Variants in TMEM33 observed in about 807,000 individuals in gnomAD.
The protein encoded by TMEM33 is transmembrane protein 33.
TMEM33 carries 16 observed loss-of-function variants against 29.7 expected under a neutral mutation model. That is an observed-to-expected ratio of 0.54 (90% confidence interval 0.36 to 0.82). The LOEUF is 0.82. Among genes scored for constraint, TMEM33 ranks in the 40% least tolerant of loss-of-function variants. The pLI is 0.00. For synonymous variants in TMEM33, 112 were observed against 109.4 expected, an observed-to-expected ratio of 1.02 and a Z score of -0.15; for missense variants, 252 against 295.3, an observed-to-expected ratio of 0.85 and a Z score of 1.08.
At chr4:41,950,621 A>G (rs1394973861) in intron 6 of TMEM33, among the ~76,000 whole-genome samples, 2 of 152,158 alleles carry the variant, frequency 1.3e-5, no homozygotes, top group African/African-American at 4.8e-5. Context: ...AATACTTTCT[A>G]AAATAGAACT....
rs1286501811 is a variant in TMEM33 at position 41,958,270 on chromosome 4, A to C, written c.*4071A>C. The C allele has an allele frequency of 6.6e-6, 1 of 152,304 alleles. No homozygotes were observed. The highest frequency in any genetic ancestry group is 1.5e-5 in the Non-Finnish European group (1 of 68,148). The allele number at this position is 152,304 out of a possible 1,614,324, so 9.4% of individuals were successfully genotyped here. A position where few individuals can be genotyped will look rare whatever the true frequency, so the allele number is the denominator to read the frequency against. Reference sequence around the variant, plus strand: ...GTGATCCCCCCACCTCGGCCTTCCAAAGTGCTGGATTACAGGCGTGAGCCA... The same window carrying C: ...GTGATCCCCCCACCTCGGCCTTCCACAGTGCTGGATTACAGGCGTGAGCCA... On this transcript the variant is annotated 3_prime_UTR_variant, in exon 7 of 7. Transcript: ENST00000504986.
rs1448877657 is a variant in TMEM33 at position 41,960,661 on chromosome 4, T to C, written c.*6462T>C. The C allele has an allele frequency of 6.6e-6, 1 of 152,128 alleles. No homozygotes were observed. Among genetic ancestry groups the C allele is most frequent in the East Asian group, 1.9e-4 (1 of 5,190 alleles). The allele number at this position is 152,128 out of a possible 1,614,324, so 9.4% of individuals were successfully genotyped here. Reference sequence around the variant, plus strand: ...TGCCTTTTTGTTAGAATAAGGTGAATTTGAACACACTCCTCTTATCCTCAG... The same window carrying C: ...TGCCTTTTTGTTAGAATAAGGTGAACTTGAACACACTCCTCTTATCCTCAG... On this transcript the variant is annotated 3_prime_UTR_variant, in exon 7 of 7. Transcript: ENST00000504986.
At chr4:41,953,122 G>A (rs1396183396) in intron 6 of TMEM33, among the ~76,000 whole-genome samples, 1 of 152,122 alleles carries the variant, frequency 6.6e-6, no homozygotes, top group African/African-American at 2.4e-5. Context: ...ACCCATAAAA[G>A]ATGTAGGTGT....
In TMEM33 at chr4:41,935,463, G is replaced by T. The variant is rs1198323327; in HGVS notation, c.-22G>T. 10 of 1,602,386 alleles carry T rather than the reference G, an allele frequency of 6.2e-6. No individual in the cohort carries two copies. Among genetic ancestry groups the T allele is most frequent in the East Asian group, 2.2e-5 (1 of 44,474 alleles). Reference sequence around the variant, plus strand: ...CTTCTCTCTTCGCGGTTGCGGCGTCGCAGACGCTAGTGTGAGCCCCCATGG... The same window carrying T: ...CTTCTCTCTTCGCGGTTGCGGCGTCTCAGACGCTAGTGTGAGCCCCCATGG... On this transcript the variant is annotated 5_prime_UTR_variant, in exon 1 of 7. Transcript: ENST00000504986.
chr4:41,944,797 G>A lies in TMEM33; in HGVS notation c.401G>A (p.Arg134Lys), dbSNP rs1577650999. 5 of 1,612,468 alleles carry A rather than the reference G, an allele frequency of 3.1e-6. No individual in the cohort carries two copies. Among genetic ancestry groups the A allele is most frequent in the African/African-American group, 1.3e-5 (1 of 74,954 alleles). ...ATYTKKVLDA[R>K]GSNSLPLLRS... The stretch of plus-strand genomic sequence containing the variant: ...GTTGGTTTTCTTTTGTTTTAGGCAA[G>A]GGGCTCAAATAGTTTACCTCTGCTG... Residue 134 changes from arginine to lysine, a missense_variant, in exon 5 of 7, where the codon AGG (arginine) becomes AAG (lysine). By Grantham distance (26) the Arg-to-Lys change is conservative. Transcript: ENST00000504986.
intron 5 of TMEM33, among the ~76,000 whole-genome samples, chr4:41,945,590 A>C (rs1281606186): frequency 6.6e-6 from 1 of 152,236 alleles, no homozygotes; most frequent in Non-Finnish European, 1.5e-5. Context: ...GTAGTCCTTT[A>C]AAAATACTTA....
rs910050835 is a variant in TMEM33 at position 41,945,816 on chromosome 4, C to T, written c.530+890C>T. 2.0e-5 allele frequency among the ~76,000 whole-genome samples: 3 copies of T among 151,686 alleles called. No homozygotes were observed. The East Asian group carries it at 5.8e-4, about 29-fold the overall frequency. On this transcript the variant is annotated intron_variant, in intron 5 of 6. Coordinates refer to ENST00000504986, the MANE Select transcript of TMEM33 (RefSeq NM_018126.3). ...TGAAACCCTGTCTCTGTTAAAAATA[C>T]AAAAATTAGCCAGGCATGGTGGTGC...
chr4:41,935,322 C>A, upstream of TMEM33: 2 of 773,554 alleles, frequency 2.6e-6, no homozygotes. Flanking sequence ...CGAGCGAGAC[C>A]CTTCCCTGGT....
chr4:41,938,281 A>C (rs924029423), intron 1 of TMEM33, among the ~76,000 whole-genome samples: 2 of 152,210 alleles, frequency 1.3e-5, no homozygotes, highest in African/African-American at 4.8e-5. Context: ...GAACACAGAC[A>C]ATTGTAGTTG....
chr4:41,940,590 A>C (rs1712491441), intron 3 of TMEM33, among the ~76,000 whole-genome samples: 1 of 152,006 alleles, frequency 6.6e-6, no homozygotes, highest in Non-Finnish European at 1.5e-5. Flanking sequence ...TGGGCGGATC[A>C]TGAGGTCAGG....
chr4:41,943,493 C>G (rs1303150870), intron 3 of TMEM33, among the ~76,000 whole-genome samples: 10 of 151,578 alleles, frequency 6.6e-5, no homozygotes, highest in Non-Finnish European at 1.5e-4. Context: ...CCATTGCACT[C>G]CAGCCTGGGG....
rs1189443228 is a variant in TMEM33 at position 41,959,332 on chromosome 4, T to A, written c.*5133T>A. The A allele has an allele frequency of 6.6e-6, 1 of 151,110 alleles. No individual in the cohort carries two copies. The highest frequency in any genetic ancestry group is 1.5e-5 in the Non-Finnish European group (1 of 67,434). The allele number at this position is 151,110 out of a possible 1,614,324, so 9.4% of individuals were successfully genotyped here. A position where few individuals can be genotyped will look rare whatever the true frequency, so the allele number is the denominator to read the frequency against. ...TTAGAAGGAACATAGTCAAGTGTGATGGATTAACTCTATATAGTCTTTCTC... is the reference window on the plus strand; with the variant it reads ...TTAGAAGGAACATAGTCAAGTGTGAAGGATTAACTCTATATAGTCTTTCTC... On this transcript the variant is annotated 3_prime_UTR_variant, in exon 7 of 7. Transcript: ENST00000504986.
intron 1 of TMEM33, among the ~76,000 whole-genome samples, chr4:41,936,907 TTTGA>T (rs1376248547): frequency 5.9e-4 from 90 of 152,320 alleles, no homozygotes; most frequent in African/African-American, 2.1e-3. Context: ...GCAGAATTTG[TTTGA>T]TTATTTGATT....
chr4:41,959,383 C>T lies in TMEM33; in HGVS notation c.*5184C>T, dbSNP rs968941197. ...CTCTTGTGCGTGTAGGAAATCTGAC[C>T]TGCAGTGTCAGTTGATGTGACAAGA... On this transcript the variant is annotated 3_prime_UTR_variant, in exon 7 of 7. Transcript: ENST00000504986. 1 of 152,108 alleles carries T rather than the reference C, an allele frequency of 6.6e-6. No homozygotes were observed. Among genetic ancestry groups the T allele is most frequent in the Admixed American group, 6.5e-5 (1 of 15,280 alleles). The allele number at this position is 152,108 out of a possible 1,614,324, so 9.4% of individuals were successfully genotyped here.
rs2153128878 is a variant in TMEM33, at chr4:41,959,746, G to T, written c.*5547G>T. 6.6e-6 allele frequency: 1 copy of T among 152,204 alleles called. No homozygotes were observed. The highest frequency in any genetic ancestry group is 1.9e-4 in the East Asian group (1 of 5,186). The allele number at this position is 152,204 out of a possible 1,614,324, so 9.4% of individuals were successfully genotyped here. A position where few individuals can be genotyped will look rare whatever the true frequency, so the allele number is the denominator to read the frequency against. ...TGAGACCAAATCGGTGAAGTGTTGA[G>T]CAAGTAACATTTATGATGTGTGTAT... On this transcript the variant is annotated 3_prime_UTR_variant, in exon 7 of 7. Coordinates refer to ENST00000504986, the MANE Select transcript of TMEM33 (RefSeq NM_018126.3).
intron 6 of TMEM33, among the ~76,000 whole-genome samples, chr4:41,952,020 A>T (rs988819817): frequency 6.6e-6 from 1 of 152,210 alleles, no homozygotes; most frequent in Non-Finnish European, 1.5e-5. Flanking sequence ...TTGCAAGCTC[A>T]GCAAGAGAAG....
At chr4:41,939,030 G>T (rs1010936766) in intron 2 of TMEM33, among the ~76,000 whole-genome samples, 166 bp from the exon 3 acceptor site, 1 of 151,766 alleles carries the variant, frequency 6.6e-6, no homozygotes, top group African/African-American at 2.4e-5. Context: ...ATTCAGTTGG[G>T]CATATATATG....
rs568046973 is a variant in TMEM33 at position 41,942,216 on chromosome 4, T to C, written c.329-1531T>C. On this transcript the variant is annotated intron_variant, in intron 3 of 6. Transcript: ENST00000504986. ...TTTTATAGTGACTTTTGGAGAGGGT[T>C]GTAGCTTCCATCAGTTTCAAAGTAG... Among the ~76,000 whole-genome samples, 8 of 152,368 alleles carry C rather than the reference T, an allele frequency of 5.3e-5. No homozygotes were observed. In the South Asian group the frequency reaches 1.4e-3, roughly 28 times the overall value.
At chr4:41,943,909 C>A in intron 4 of TMEM33, 95 bp downstream of exon 4, 2 of 1,083,026 alleles carry the variant, frequency 1.8e-6, no homozygotes, top group South Asian at 2.7e-5. Context: ...CAAAAAGTCC[C>A]TCTATACCTT....
Sources: gnomAD v4.1 joint callset for allele counts (sites outside exome capture counted in the v4.1 genomes callset) on GRCh38, gnomAD v4.1.1 for gene constraint, MANE v1.5 for transcripts, NCBI Gene and HGNC (gene_info 2026-07-23, HGNC 2026-07-21) for gene names.